The following ABCA5 variants were observed in gnomAD, a reference collection of about 807,000 sequenced individuals.
ABCA5 encodes the protein cholesterol transporter ABCA5.
A neutral mutation model predicts 206.0 loss-of-function variants in ABCA5; 163 were observed. The ratio of observed to expected loss-of-function variants is 0.79; its 90% CI spans 0.70 to 0.90. The LOEUF (loss-of-function observed/expected upper bound fraction) is 0.90, where lower values mean the gene tolerates loss of function less well. ABCA5 is among the 40% of genes least tolerant of loss of function. ABCA5 has a pLI of 0.00. For synonymous variants in ABCA5, 609 were observed against 613.8 expected (o/e 0.99, Z 0.11); for missense variants, 1,859 against 1,912.9 (o/e 0.97, Z 0.53).
At chr17:69,286,904 G>C (rs1485888306) in intron 15 of ABCA5, among the ~76,000 whole-genome samples, 1 of 152,130 alleles carries the variant, frequency 6.6e-6, no homozygotes, top group Non-Finnish European at 1.5e-5. Context: ...GTATAAAATT[G>C]TGCAGAAAAG....
In ABCA5 at chr17:69,287,977, C is replaced by A. The variant is rs4246423; in HGVS notation, c.1903-226G>T. Reference sequence around the variant, plus strand: ...TAATTCTAAAAGACTGCCTGTAATACACAAGACAAAAGTATAACAACAGTC... The same window carrying A: ...TAATTCTAAAAGACTGCCTGTAATAAACAAGACAAAAGTATAACAACAGTC... On this transcript the variant is annotated intron_variant, in intron 14 of 38. Transcript: ENST00000392676. Among the ~76,000 whole-genome samples, 15,505 of 151,964 alleles carry A rather than the reference C, an allele frequency of 0.1. 824 individuals are homozygous for A. Among genetic ancestry groups the A allele is most frequent in the Non-Finnish European group, 0.11 (7,495 of 67,956 alleles).
intron 28 of ABCA5, 147 bp from the exon 29 acceptor site, chr17:69,256,430 ATTTC>A: frequency 2.2e-6 from 1 of 447,450 alleles, no homozygotes; most frequent in African/African-American, 2.1e-5. Context: ...TATAAGCGAT[ATTTC>A]TTTTTTTTTC....
rs777903056 is a variant in ABCA5, at chr17:69,285,915, T to C, written c.2255A>G (p.Asp752Gly). ...QQLVYSLPFK[D>G]MDKFSGLFSA... ...AGTAATACCTGAAAATTTGTCCATG[T>C]CCTTGAAAGGCAAGCTATACACAAG... is the stretch of plus-strand genomic sequence containing the variant. The change falls in exon 17 of 39, where the codon GAC (aspartate) becomes GGC (glycine). Residue 752 changes from aspartate (D) to glycine (G), a missense_variant. By Grantham distance (94) the Asp-to-Gly change is moderately conservative. Transcript: ENST00000392676. 1.2e-6 allele frequency: 2 copies of C among 1,612,006 alleles called. No homozygotes were observed. Among genetic ancestry groups the C allele is most frequent in the South Asian group, 1.1e-5 (1 of 90,656 alleles).
intron 20 of ABCA5, among the ~76,000 whole-genome samples, chr17:69,272,511 TA>T (rs577835108): frequency 2.9e-4 from 43 of 148,034 alleles, no homozygotes; most frequent in Admixed American, 1.1e-3. Flanking sequence ...CAAGTTCCTT[TA>T]AAAAAAAAAG....
At chr17:69,289,389 TGTTA>T (rs2075499580) in intron 13 of ABCA5, 93 bp from the exon 14 acceptor site, 21 of 1,003,286 alleles carry the variant, frequency 2.1e-5, no homozygotes, top group Non-Finnish European at 2.8e-5. Flanking sequence ...AGTTTTAATG[TGTTA>T]GATATTTAAG....
rs138922288 is a variant in ABCA5 at position 69,304,452 on chromosome 17, T to C, written c.930+217A>G. On this transcript the variant is annotated intron_variant, in intron 7 of 38. Transcript: ENST00000392676. ...GGAGTTGTATGTGAAATACATCATATGACAAAAGCTAAATCTAAATCTAAA... is the reference window on the plus strand; with the variant it reads ...GGAGTTGTATGTGAAATACATCATACGACAAAAGCTAAATCTAAATCTAAA... 3,100 of 371,550 alleles carry C rather than the reference T, an allele frequency of 8.3e-3. 85 individuals are homozygous for C. The highest frequency in any genetic ancestry group is 0.058 in the African/African-American group (2,758 of 47,762). The allele number at this position is 371,550 out of a possible 1,614,324, so 23.0% of individuals were successfully genotyped here.
In ABCA5 at chr17:69,326,049, G is replaced by A. The variant is rs896828702; in HGVS notation, c.-16+1003C>T. On this transcript the variant is annotated intron_variant, in intron 1 of 38. Coordinates refer to ENST00000392676, the MANE Select transcript of ABCA5 (RefSeq NM_172232.4). This position sits in a 1 kb window ranked among gnomAD's most constrained non-coding sequence, Gnocchi z 4.8. ...TCTTCCCTAAAACACATACAATATT[G>A]CTCTCCCGGCAAACACAAAATATAC... Among the ~76,000 whole-genome samples, 1 of 152,054 alleles carries A rather than the reference G, an allele frequency of 6.6e-6. No individual in the cohort carries two copies. Among genetic ancestry groups the A allele is most frequent in the Non-Finnish European group, 1.5e-5 (1 of 68,020 alleles).
At chr17:69,325,216 G>A (rs2075889550) in intron 1 of ABCA5, among the ~76,000 whole-genome samples, 1 of 151,756 alleles carries the variant, frequency 6.6e-6, no homozygotes, top group Admixed American at 6.6e-5. Context: ...GGCTGAGGTG[G>A]GAGGATCACT....
chr17:69,258,359 G>T lies in ABCA5; in HGVS notation c.3731+1347C>A, dbSNP rs572335194. Among the ~76,000 whole-genome samples the T allele has an allele frequency of 2.6e-5, 4 of 152,210 alleles. No homozygotes were observed. The South Asian group carries it at 6.2e-4, about 24-fold the overall frequency. On this transcript the variant is annotated intron_variant, in intron 28 of 38. Coordinates refer to ENST00000392676, the MANE Select transcript of ABCA5 (RefSeq NM_172232.4). The stretch of plus-strand genomic sequence containing the variant: ...ACAGCCATAAATAGAATGAAATTAT[G>T]TTCTTTACAGCAACATGGATGGAAC...
At chr17:69,252,965 T>C (rs536719353) in intron 34 of ABCA5, among the ~76,000 whole-genome samples, 124 of 152,306 alleles carry the variant, frequency 8.1e-4, no homozygotes, top group African/African-American at 2.9e-3. Context: ...TTTTATAATG[T>C]ATCTTTTCTG....
intron 28 of ABCA5, among the ~76,000 whole-genome samples, chr17:69,257,206 A>G (rs1433004070): frequency 6.6e-6 from 1 of 152,070 alleles, no homozygotes; most frequent in African/African-American, 2.4e-5. Flanking sequence ...CTCTACTAAA[A>G]AATAAAATAC....
At chr17:69,269,889 A>G (rs182032538) in intron 22 of ABCA5, among the ~76,000 whole-genome samples, 13 of 152,258 alleles carry the variant, frequency 8.5e-5, no homozygotes, top group African/African-American at 2.6e-4. Context: ...CAGAAAGTAC[A>G]TTAGTGGTTG....
rs189897115 is a variant in ABCA5 at position 69,247,249 on chromosome 17, T to C, written c.*288A>G. 7 of 221,232 alleles carry C rather than the reference T, an allele frequency of 3.2e-5. No individual in the cohort carries two copies. In the East Asian group the frequency reaches 7.3e-4, roughly 23 times the overall value. 13.7% of individuals were successfully genotyped at this position (221,232 alleles called of 1,614,324 possible). A position where few individuals can be genotyped will look rare whatever the true frequency, so the allele number is the denominator to read the frequency against. On this transcript the variant is annotated 3_prime_UTR_variant, in exon 39 of 39. Coordinates refer to ENST00000392676, the MANE Select transcript of ABCA5 (RefSeq NM_172232.4). Reference sequence around the variant, plus strand: ...TAAAACTATTCTATTACAATTCCTTTAAATCACAAATTCAGAAGCACTGTT... The same window carrying C: ...TAAAACTATTCTATTACAATTCCTTCAAATCACAAATTCAGAAGCACTGTT...
At position 69,287,756 on chromosome 17, in the gene ABCA5, G is replaced by A. The variant is rs778167247; in HGVS notation, c.1903-5C>T. On this transcript the variant is annotated splice_polypyrimidine_tract_variant and splice_region_variant and intron_variant, in intron 14 of 38. Coordinates refer to ENST00000392676, the MANE Select transcript of ABCA5 (RefSeq NM_172232.4). ...TGGTTCATCTAGCAGCAGTATCTGT[G>A]TGAAAAGAGGTGAAGAAGGGCAGGG... is the stretch of plus-strand genomic sequence containing the variant. The A allele has an allele frequency of 2.4e-5, 39 of 1,610,378 alleles. No individual in the cohort carries two copies. Among genetic ancestry groups the A allele is most frequent in the Non-Finnish European group, 3.2e-5 (38 of 1,178,494 alleles).
intron 31 of ABCA5, among the ~76,000 whole-genome samples, chr17:69,254,710 G>A: frequency 6.6e-6 from 1 of 152,034 alleles, no homozygotes; most frequent in East Asian, 1.9e-4. Context: ...TTTTAGGAGG[G>A]AAGATGTCTC....
chr17:69,301,120 T>C lies in ABCA5; in HGVS notation c.1267+19A>G, dbSNP rs764185611. On this transcript the variant is annotated intron_variant, in intron 9 of 38. Transcript: ENST00000392676. Reference sequence around the variant, plus strand: ...AGCCTAAAAATCTTTAAAGTAAAATTCAAAAACCATCTGCATACCTGGAAT... The same window carrying C: ...AGCCTAAAAATCTTTAAAGTAAAATCCAAAAACCATCTGCATACCTGGAAT... 2.6e-5 allele frequency: 38 copies of C among 1,487,900 alleles called. No homozygotes were observed. Among genetic ancestry groups the C allele is most frequent in the Admixed American group, 1.6e-4 (6 of 38,440 alleles). 92.2% of individuals were successfully genotyped at this position (1,487,900 alleles called of 1,614,324 possible).
chr17:69,291,965 TAGCTGGGCATGGTGGCACCTGTAGTCCC>T (rs1454669175), intron 11 of ABCA5, among the ~76,000 whole-genome samples: 3 of 151,652 alleles, frequency 2.0e-5, no homozygotes, highest in Non-Finnish European at 4.4e-5. Flanking sequence ...ATATAAAAAT[TAGCTGGGCATGGTGGCACCTGTAGTCCC>T]AGCTACTCGG....
At chr17:69,252,012 T>G in intron 34 of ABCA5, 146 bp from the exon 35 acceptor site, 1 of 742,416 alleles carries the variant, frequency 1.3e-6, no homozygotes, top group Non-Finnish European at 2.1e-6. Context: ...CCTGCCCAAC[T>G]ATGATTTTTT....
At chr17:69,303,046 A>G (rs1213231499) in intron 7 of ABCA5, 140 bp from the exon 8 acceptor site, 12 of 479,844 alleles carry the variant, frequency 2.5e-5, no homozygotes, top group Non-Finnish European at 4.0e-5. Context: ...TCTAAATGCT[A>G]TGGTATTTTA....
Sources: allele counts gnomAD v4.1 joint callset (sites outside exome capture counted in the v4.1 genomes callset), GRCh38; gene constraint gnomAD v4.1.1; non-coding constraint Gnocchi (gnomAD v3.1); transcripts MANE v1.5; gene names NCBI Gene and HGNC (gene_info 2026-07-23, HGNC 2026-07-21).